FAM135B: variants seen among roughly 807,000 people sequenced by gnomAD.
FAM135B encodes the protein family with sequence similarity 135 member B, also known as protein FAM135B.
Under a neutral mutation model 127.7 loss-of-function variants are expected in FAM135B, and 43 were observed. The ratio of observed to expected loss-of-function variants is 0.34; its 90% CI spans 0.26 to 0.43. FAM135B has a LOEUF of 0.43. Ranked by LOEUF, FAM135B falls within the 20% of genes least tolerant of loss-of-function variation. The pLI is 1.00. For synonymous variants in FAM135B, 670 were observed against 665.1 expected (o/e 1.01, Z -0.11); for missense variants, 1,558 against 1,725.6 (o/e 0.90, Z 1.72).
chr8:138,335,490 A>G (rs906283853), intron 2 of FAM135B, among the ~76,000 whole-genome samples: 3 of 152,222 alleles, frequency 2.0e-5, no homozygotes, highest in African/African-American at 7.2e-5. Flanking sequence ...TAAACCAACA[A>G]AGATCAAAAG....
At chr8:138,148,436 G>T in intron 14 of FAM135B, 84 bp downstream of exon 14, 1 of 1,114,220 alleles carries the variant, frequency 9.0e-7, no homozygotes, top group African/African-American at 1.6e-5. Flanking sequence ...TCTGTTGAAT[G>T]AATACCTCAT....
At chr8:138,270,377 G>T (rs1437519999) in intron 3 of FAM135B, among the ~76,000 whole-genome samples, 1 of 152,162 alleles carries the variant, frequency 6.6e-6, no homozygotes, top group Admixed American at 6.5e-5. Flanking sequence ...AAAAGCTGGG[G>T]CCCAGAATGA....
intron 7 of FAM135B, among the ~76,000 whole-genome samples, chr8:138,239,451 T>G (rs1214184025): frequency 6.6e-6 from 1 of 152,238 alleles, no homozygotes; most frequent in Non-Finnish European, 1.5e-5. Context: ...AGATTCTGGA[T>G]TTTAGCCCTT....
chr8:138,366,893 C>A (rs116440235), intron 2 of FAM135B, among the ~76,000 whole-genome samples: 2,058 of 152,206 alleles, frequency 0.014, 37 homozygotes, highest in African/African-American at 0.047. Context: ...CAAGACTGAA[C>A]AACAGGAGAT....
At chr8:138,199,169 A>G (rs901018939) in intron 7 of FAM135B, among the ~76,000 whole-genome samples, 3 of 152,202 alleles carry the variant, frequency 2.0e-5, no homozygotes, top group African/African-American at 7.2e-5. Context: ...ACACGTCTGT[A>G]CATCATCTGC....
chr8:138,346,668 G>A (rs555214916), intron 2 of FAM135B, among the ~76,000 whole-genome samples: 1 of 152,206 alleles, frequency 6.6e-6, no homozygotes, highest in South Asian at 2.1e-4. Context: ...CTGTCGGGGG[G>A]TCAGAGGTGG....
At chr8:138,285,305 C>T (rs557984383) in intron 3 of FAM135B, among the ~76,000 whole-genome samples, 1 of 151,988 alleles carries the variant, frequency 6.6e-6, no homozygotes, top group South Asian at 2.1e-4. Context: ...CATCAACATG[C>T]CCGGCTAATT....
intron 2 of FAM135B, among the ~76,000 whole-genome samples, chr8:138,311,476 C>T (rs1167497674): frequency 6.6e-6 from 1 of 152,158 alleles, no homozygotes; most frequent in East Asian, 1.9e-4. Context: ...GCAGGTTCTC[C>T]TGATGTCAGT....
chr8:138,268,205 C>T (rs1823093752), intron 3 of FAM135B, among the ~76,000 whole-genome samples: 1 of 152,174 alleles, frequency 6.6e-6, no homozygotes, highest in African/African-American at 2.4e-5. Context: ...ATAGATCAAG[C>T]TCCTAAGACC....
At chr8:138,218,716 G>C (rs1276671819) in intron 7 of FAM135B, among the ~76,000 whole-genome samples, 1 of 151,704 alleles carries the variant, frequency 6.6e-6, no homozygotes, top group Non-Finnish European at 1.5e-5. Context: ...CCACTCTAGA[G>C]ACCCTGTTCA....
intron 18 of FAM135B, among the ~76,000 whole-genome samples, chr8:138,138,235 A>C (rs747364892): frequency 6.6e-6 from 1 of 152,162 alleles, no homozygotes; most frequent in Non-Finnish European, 1.5e-5. Flanking sequence ...TCAACTCAAC[A>C]CACAGAGGCA....
intron 9 of FAM135B, among the ~76,000 whole-genome samples, chr8:138,182,087 C>T (rs763514786): frequency 3.4e-4 from 52 of 152,352 alleles, no homozygotes; most frequent in African/African-American, 1.0e-3. Flanking sequence ...ACCACTACCA[C>T]GCTGCCACCA....
chr8:138,453,486 A>G (rs1055420216), intron 1 of FAM135B, among the ~76,000 whole-genome samples: 3 of 151,642 alleles, frequency 2.0e-5, no homozygotes, highest in Admixed American at 1.3e-4. Flanking sequence ...GTATATGCCC[A>G]TTCCCTGCTG....
chr8:138,173,150 G>T (rs1814076515), intron 11 of FAM135B, among the ~76,000 whole-genome samples: 1 of 152,160 alleles, frequency 6.6e-6, no homozygotes, highest in Non-Finnish European at 1.5e-5. Flanking sequence ...ATTCTGTGCG[G>T]CACATAGGGA....
chr8:138,340,033 G>C (rs1828934353), intron 2 of FAM135B, among the ~76,000 whole-genome samples: 1 of 152,154 alleles, frequency 6.6e-6, no homozygotes, highest in African/African-American at 2.4e-5. Flanking sequence ...GGGATGGGTT[G>C]GGAGCTGCAA....
chr8:138,427,021 G>C (rs1196297448), intron 1 of FAM135B, among the ~76,000 whole-genome samples: 1 of 151,902 alleles, frequency 6.6e-6, no homozygotes, highest in African/African-American at 2.4e-5. Context: ...GCATAATAAT[G>C]TTTGAGCAAA....
intron 1 of FAM135B, among the ~76,000 whole-genome samples, chr8:138,446,263 C>G (rs1357536007): frequency 3.3e-5 from 5 of 152,166 alleles, no homozygotes. Flanking sequence ...CCATCCCCAT[C>G]AAGCTACCAA....
intron 2 of FAM135B, chr8:138,358,638 A>G (rs1830230891): frequency 6.6e-6 from 1 of 152,198 alleles, no homozygotes. Context: ...AATAGAATAA[A>G]TGAAATTAGA....
At chr8:138,299,251 G>A (rs1195060565) in intron 3 of FAM135B, among the ~76,000 whole-genome samples, 1 of 151,902 alleles carries the variant, frequency 6.6e-6, no homozygotes, top group Non-Finnish European at 1.5e-5. Flanking sequence ...TCTACAACAT[G>A]TGTTTTCAAA....
Sources: gnomAD v4.1 joint callset for allele counts (sites outside exome capture counted in the v4.1 genomes callset) on GRCh38, gnomAD v4.1.1 for gene constraint, MANE v1.5 for transcripts, NCBI Gene and HGNC (gene_info 2026-07-23, HGNC 2026-07-21) for gene names.